SRGAP3: variants seen among roughly 807,000 people sequenced by gnomAD.
SRGAP3 encodes the protein SLIT-ROBO Rho GTPase activating protein 3.
SRGAP3 carries 39 observed loss-of-function variants against 121.1 expected under a neutral mutation model. The ratio of observed to expected loss-of-function variants is 0.32; its 90% CI spans 0.25 to 0.42. SRGAP3 has a LOEUF of 0.42. Among genes scored for constraint, SRGAP3 ranks in the 10% least tolerant of loss-of-function variants. The pLI is 1.00. For missense variants in SRGAP3, 1,213 were observed against 1,470.6 expected (o/e 0.82, Z 2.86); for synonymous variants, 601 against 570.0 (o/e 1.05, Z -0.77).
At chr3:9,162,172 T>C (rs1009242020) in intron 1 of SRGAP3, among the ~76,000 whole-genome samples, 1 of 150,942 alleles carries the variant, frequency 6.6e-6, no homozygotes, top group African/African-American at 2.4e-5. Flanking sequence ...AAATGGGGAG[T>C]GGGTTTCAGT....
intron 1 of SRGAP3, among the ~76,000 whole-genome samples, chr3:9,225,572 A>G (rs1952958548): frequency 6.6e-6 from 1 of 152,204 alleles, no homozygotes; most frequent in African/African-American, 2.4e-5. Context: ...AAAAGCAGCT[A>G]TAAAAGCATT....
intron 3 of SRGAP3, among the ~76,000 whole-genome samples, chr3:9,091,820 C>T (rs1947769951): frequency 6.6e-6 from 1 of 152,192 alleles, no homozygotes; most frequent in African/African-American, 2.4e-5. Context: ...TTCTTCCCCT[C>T]TGCCTCCCAT....
intron 1 of SRGAP3, among the ~76,000 whole-genome samples, chr3:9,128,700 G>C (rs1949332221): frequency 6.6e-6 from 1 of 152,182 alleles, no homozygotes; most frequent in Non-Finnish European, 1.5e-5. Context: ...AAAATGTCTA[G>C]TAAGAATAGA....
chr3:9,349,086 T>A, intron 1 of SRGAP3: 1 of 925,404 alleles, frequency 1.1e-6, no homozygotes, highest in Non-Finnish European at 1.8e-6. Context: ...ATTCCCGTTG[T>A]CTATGAATTG....
intron 1 of SRGAP3, among the ~76,000 whole-genome samples, chr3:9,157,383 C>G (rs986466620): frequency 1.3e-5 from 2 of 152,154 alleles, no homozygotes; most frequent in Admixed American, 1.3e-4. Context: ...AGGTCCCCCT[C>G]CAACACTGGG....
At chr3:9,052,961 G>T in intron 9 of SRGAP3, 66 bp downstream of exon 9, 1 of 1,589,634 alleles carries the variant, frequency 6.3e-7, no homozygotes. Flanking sequence ...AGCTTGGGTT[G>T]CTCCTGAAAA....
chr3:9,289,197 C>G (rs1159845644), intron 3 of SRGAP3, among the ~76,000 whole-genome samples: 2 of 152,218 alleles, frequency 1.3e-5, no homozygotes, highest in African/African-American at 4.8e-5. Context: ...GCATGCCTGG[C>G]CTAGTTTACC....
chr3:9,029,096 C>T (rs1000010347), intron 12 of SRGAP3, among the ~76,000 whole-genome samples: 1 of 152,162 alleles, frequency 6.6e-6, no homozygotes, highest in African/African-American at 2.4e-5. Flanking sequence ...ACCTGACATG[C>T]TGACTAAATC....
chr3:9,231,249 G>A (rs1182972069), intron 1 of SRGAP3, among the ~76,000 whole-genome samples: 1 of 152,142 alleles, frequency 6.6e-6, no homozygotes, highest in African/African-American at 2.4e-5. Flanking sequence ...TGATCTGGGG[G>A]GGCATTCCCG....
intron 3 of SRGAP3, among the ~76,000 whole-genome samples, chr3:9,276,573 A>G (rs1460239663): frequency 1.3e-5 from 2 of 151,944 alleles, no homozygotes; most frequent in Non-Finnish European, 2.9e-5. Flanking sequence ...TTATAGGCAC[A>G]CACCACCACA....
chr3:9,157,573 G>T (rs1293933331), intron 1 of SRGAP3, among the ~76,000 whole-genome samples: 2 of 152,194 alleles, frequency 1.3e-5, no homozygotes, highest in African/African-American at 4.8e-5. Flanking sequence ...GGATGCTGTT[G>T]TCCTTATTTT....
At chr3:9,030,503 A>G (rs540659332) in intron 12 of SRGAP3, among the ~76,000 whole-genome samples, 1 of 152,314 alleles carries the variant, frequency 6.6e-6, no homozygotes, top group East Asian at 1.9e-4. Context: ...TCCAGGCTCT[A>G]AAGAAGATTG....
intron 3 of SRGAP3, among the ~76,000 whole-genome samples, chr3:9,096,187 A>C (rs536132556): frequency 3.9e-5 from 6 of 152,364 alleles, no homozygotes; most frequent in African/African-American, 1.4e-4. Flanking sequence ...TTTAGAAAAA[A>C]ACCTTTGAAA....
rs150761386 is a variant in SRGAP3, at chr3:9,122,930, C to T, written c.260+1795G>A. On this transcript the variant is annotated intron_variant, in intron 2 of 21. Coordinates refer to ENST00000383836, the MANE Select transcript of SRGAP3 (RefSeq NM_014850.4). Reference sequence around the variant, plus strand: ...AAAAATGTGGACAGGAAGGTGGACGCGACCCAAGTGTCCACCAACAGATGA... The same window carrying T: ...AAAAATGTGGACAGGAAGGTGGACGTGACCCAAGTGTCCACCAACAGATGA... 1.0e-3 allele frequency among the ~76,000 whole-genome samples: 157 copies of T among 152,156 alleles called. 3 individuals carry two copies. In the East Asian group the frequency reaches 0.023, roughly 23 times the overall value.
At chr3:9,081,845 T>C (rs142640046) in intron 3 of SRGAP3, among the ~76,000 whole-genome samples, 2 of 152,332 alleles carry the variant, frequency 1.3e-5, no homozygotes, top group Middle Eastern at 3.4e-3. Context: ...TCTGCTATAA[T>C]CTGAATGTTT....
At chr3:9,210,595 C>T (rs1314552258) in intron 1 of SRGAP3, among the ~76,000 whole-genome samples, 1 of 152,066 alleles carries the variant, frequency 6.6e-6, no homozygotes, top group Non-Finnish European at 1.5e-5. Context: ...GAGGCTGAGG[C>T]GGGCAGATCA....
chr3:9,150,666 A>G (rs539723793), intron 1 of SRGAP3, among the ~76,000 whole-genome samples: 4 of 152,298 alleles, frequency 2.6e-5, no homozygotes, highest in Non-Finnish European at 4.4e-5. Context: ...CAGGAATTGA[A>G]GGTTTACTAC....
At chr3:9,361,644 A>C (rs1274499896) in intron 1 of SRGAP3, among the ~76,000 whole-genome samples, 2 of 152,100 alleles carry the variant, frequency 1.3e-5, no homozygotes, top group Admixed American at 1.3e-4. Flanking sequence ...ACCTCTTTAT[A>C]ACCCCTCCCT....
intron 1 of SRGAP3, chr3:9,355,871 C>A (rs1274484669): frequency 6.6e-6 from 1 of 152,192 alleles, no homozygotes; most frequent in African/African-American, 2.4e-5. Flanking sequence ...TATGTCACCC[C>A]ACGGCAGAAG....
Sources: allele counts gnomAD v4.1 joint callset (sites outside exome capture counted in the v4.1 genomes callset), GRCh38; gene constraint gnomAD v4.1.1; transcripts MANE v1.5; gene names NCBI Gene and HGNC (gene_info 2026-07-23, HGNC 2026-07-21).